Variants in AGBL4 observed in about 807,000 individuals in gnomAD.
AGBL4 encodes cytosolic carboxypeptidase 6.
A neutral mutation model predicts 66.4 loss-of-function variants in AGBL4; 58 were observed. The observed-to-expected ratio is 0.87, with a 90% CI of 0.71 to 1.09. The LOEUF (loss-of-function observed/expected upper bound fraction) is 1.09, where lower values mean the gene tolerates loss of function less well. Ranked by LOEUF, AGBL4 falls within the 50% of genes least tolerant of loss-of-function variation. The probability of loss-of-function intolerance (pLI) is 0.00; values close to 1 mark genes in which losing one functional copy is unlikely to be tolerated. For missense variants in AGBL4, 579 were observed against 631.0 expected (o/e 0.92, Z 0.88); for synonymous variants, 234 against 222.9 (o/e 1.05, Z -0.44).
intron 2 of AGBL4, among the ~76,000 whole-genome samples, chr1:49,830,383 T>C (rs1443306191): frequency 3.3e-5 from 5 of 152,236 alleles, no homozygotes; most frequent in Non-Finnish European, 7.3e-5. Context: ...GAGCTTTTTT[T>C]ACATATATTA....
intron 3 of AGBL4, among the ~76,000 whole-genome samples, chr1:49,292,445 G>T (rs1644558586): frequency 6.6e-6 from 1 of 152,154 alleles, no homozygotes; most frequent in Admixed American, 6.5e-5. Context: ...GGAACTTACG[G>T]TCCCTTTTCT....
At chr1:48,818,297 G>A (rs889070891) in intron 6 of AGBL4, 3 of 716,414 alleles carry the variant, frequency 4.2e-6, no homozygotes, top group African/African-American at 3.5e-5. Context: ...TTCACCGAAG[G>A]AAAATATTTA....
rs970661666 is a variant in AGBL4, at chr1:49,566,792, C to T, written c.282+130521G>A. On this transcript the variant is annotated intron_variant, in intron 3 of 13. Coordinates refer to ENST00000371839, the MANE Select transcript of AGBL4 (RefSeq NM_032785.4). The stretch of plus-strand genomic sequence containing the variant: ...CTGCCCATTCTCAGATCTCAAGCTG[C>T]GTGCTGGGAGAACCACTACTCTCTT... 3.0e-4 allele frequency among the ~76,000 whole-genome samples: 44 copies of T among 147,194 alleles called. No homozygotes were observed. In the South Asian group the frequency reaches 3.0e-3, roughly 10 times the overall value.
intron 5 of AGBL4, among the ~76,000 whole-genome samples, chr1:49,015,948 C>T (rs1321618146): frequency 6.6e-6 from 1 of 152,100 alleles, no homozygotes; most frequent in Non-Finnish European, 1.5e-5. Context: ...TACTCTGTGA[C>T]CTTGAGTAAG....
intron 3 of AGBL4, among the ~76,000 whole-genome samples, chr1:49,679,777 T>A (rs1646652772): frequency 6.6e-6 from 1 of 152,202 alleles, no homozygotes. Context: ...GCATACCATA[T>A]ATACATAACT....
chr1:49,393,900 G>A (rs907321919), intron 3 of AGBL4, among the ~76,000 whole-genome samples: 1 of 152,050 alleles, frequency 6.6e-6, no homozygotes, highest in African/African-American at 2.4e-5. Context: ...TGAACACTTC[G>A]GTGTGCCAGA....
chr1:48,864,389 T>C (rs867788174), intron 6 of AGBL4, among the ~76,000 whole-genome samples: 1 of 152,190 alleles, frequency 6.6e-6, no homozygotes, highest in African/African-American at 2.4e-5. Flanking sequence ...ATTATGTAGT[T>C]AATTTGAAGA....
chr1:48,888,896 A>G (rs1650638363), intron 5 of AGBL4, among the ~76,000 whole-genome samples: 1 of 152,226 alleles, frequency 6.6e-6, no homozygotes, highest in African/African-American at 2.4e-5. Flanking sequence ...TTTTATAACA[A>G]CAGAGGCATC....
At chr1:49,949,511 A>G (rs1003983071) in intron 1 of AGBL4, among the ~76,000 whole-genome samples, 1 of 151,970 alleles carries the variant, frequency 6.6e-6, no homozygotes, top group Admixed American at 6.6e-5. Flanking sequence ...ATTAGCAAGA[A>G]AAAAACAAAC....
chr1:48,828,908 C>G (rs1004522506), intron 6 of AGBL4, among the ~76,000 whole-genome samples: 1 of 152,086 alleles, frequency 6.6e-6, no homozygotes, highest in African/African-American at 2.4e-5. Flanking sequence ...TTTCACTATT[C>G]TTAGCATTGT....
intron 5 of AGBL4, among the ~76,000 whole-genome samples, chr1:48,955,471 C>T (rs905591210): frequency 2.0e-5 from 3 of 152,148 alleles, no homozygotes; most frequent in Non-Finnish European, 2.9e-5. Flanking sequence ...TTATCACAGG[C>T]TATCTCTTAT....
intron 1 of AGBL4, among the ~76,000 whole-genome samples, chr1:49,904,621 C>CA (rs1036366106): frequency 2.0e-5 from 3 of 151,632 alleles, no homozygotes; most frequent in African/African-American, 4.8e-5. Flanking sequence ...TAGCAGTTGT[C>CA]AAAAAAAATG....
At chr1:49,407,994 C>T (rs1455070476) in intron 3 of AGBL4, among the ~76,000 whole-genome samples, 1 of 152,190 alleles carries the variant, frequency 6.6e-6, no homozygotes, top group Non-Finnish European at 1.5e-5. Context: ...TCCCAGGTTA[C>T]AGAATTCTGA....
chr1:49,475,437 T>C (rs1646828131), intron 3 of AGBL4, among the ~76,000 whole-genome samples: 1 of 152,040 alleles, frequency 6.6e-6, no homozygotes, highest in African/African-American at 2.4e-5. Flanking sequence ...AAGATGATAT[T>C]GATTTCATAG....
intron 2 of AGBL4, among the ~76,000 whole-genome samples, chr1:49,701,591 G>A (rs973879478): frequency 2.6e-5 from 4 of 151,812 alleles, no homozygotes; most frequent in Non-Finnish European, 5.9e-5. Flanking sequence ...GGAAAAAAGA[G>A]CAAAATAAAC....
intron 6 of AGBL4, among the ~76,000 whole-genome samples, chr1:48,784,235 T>C (rs1451934999): frequency 6.6e-6 from 1 of 152,194 alleles, no homozygotes; most frequent in Non-Finnish European, 1.5e-5. Context: ...CAGTAAATGA[T>C]TGCTGCTGTT....
At chr1:49,337,561 T>A (rs578216868) in intron 3 of AGBL4, among the ~76,000 whole-genome samples, 1 of 152,290 alleles carries the variant, frequency 6.6e-6, no homozygotes, top group East Asian at 1.9e-4. Context: ...GGTAAAACAC[T>A]TGTGTGCACA....
intron 6 of AGBL4, among the ~76,000 whole-genome samples, chr1:48,667,164 C>T (rs565584729): frequency 9.2e-5 from 14 of 152,300 alleles, no homozygotes; most frequent in South Asian, 2.1e-4. Context: ...TGGAGATGTA[C>T]TCCTCTGTCC....
At chr1:48,991,629 A>C (rs1660612211) in intron 5 of AGBL4, among the ~76,000 whole-genome samples, 1 of 151,978 alleles carries the variant, frequency 6.6e-6, no homozygotes, top group Non-Finnish European at 1.5e-5. Context: ...CCTTTTGAGG[A>C]TACTTCCCTA....
Sources: allele counts gnomAD v4.1 joint callset (sites outside exome capture counted in the v4.1 genomes callset), GRCh38; gene constraint gnomAD v4.1.1; transcripts MANE v1.5; gene names NCBI Gene and HGNC (gene_info 2026-07-23, HGNC 2026-07-21).